DENND1A: variants seen among roughly 807,000 people sequenced by gnomAD.
The protein encoded by DENND1A is DENN domain-containing protein 1A.
In DENND1A, 51 loss-of-function variants were observed where a neutral mutation model predicts 113.7. The observed-to-expected ratio is 0.45, with a 90% CI of 0.36 to 0.57. The LOEUF is 0.57. Among genes scored for constraint, DENND1A ranks in the 20% least tolerant of loss-of-function variants. The probability of loss-of-function intolerance (pLI) is 0.00; values close to 1 mark genes in which losing one functional copy is unlikely to be tolerated. For missense variants in DENND1A, 1,258 were observed against 1,395.9 expected (o/e 0.90, Z 1.57); for synonymous variants, 565 against 570.8 (o/e 0.99, Z 0.14).
chr9:123,779,420 CA>C (rs941498528), intron 3 of DENND1A, among the ~76,000 whole-genome samples: 5 of 152,318 alleles, frequency 3.3e-5, no homozygotes, highest in Admixed American at 2.6e-4. Flanking sequence ...ATTAACAGCA[CA>C]AGGTAAATGA....
At chr9:123,388,688 A>G (rs1163519457) in intron 21 of DENND1A, among the ~76,000 whole-genome samples, 1 of 152,154 alleles carries the variant, frequency 6.6e-6, no homozygotes, top group Non-Finnish European at 1.5e-5. Context: ...ATAAACACCA[A>G]CACATACACA....
intron 2 of DENND1A, among the ~76,000 whole-genome samples, chr9:123,825,324 A>G (rs1028450504): frequency 2.0e-5 from 3 of 151,882 alleles, no homozygotes; most frequent in Non-Finnish European, 2.9e-5. Context: ...TTAAAAAAAA[A>G]AAAAGAAAGA....
chr9:123,410,814 T>A (rs2044246036), intron 20 of DENND1A, among the ~76,000 whole-genome samples: 1 of 152,138 alleles, frequency 6.6e-6, no homozygotes, highest in Admixed American at 6.5e-5. Context: ...CACAGAGTGG[T>A]GGCCACACTG....
At chr9:123,495,973 T>C (rs2051882021) in intron 13 of DENND1A, among the ~76,000 whole-genome samples, 1 of 152,224 alleles carries the variant, frequency 6.6e-6, no homozygotes, top group Non-Finnish European at 1.5e-5. Context: ...CCTGAATGCA[T>C]ATCTGTAATT....
chr9:123,387,714 A>AG lies in DENND1A; in HGVS notation c.1760+15dup, dbSNP rs532434328. ...ACCAAGCCGAGCTCAGGGAAATGGAAGAAGGAAGGAGAGACCATTCAAAGG... is the reference window on the plus strand; with the variant it reads ...ACCAAGCCGAGCTCAGGGAAATGGAAGGAAGGAAGGAGAGACCATTCAAAGG... On this transcript the variant is annotated intron_variant, in intron 22 of 23. Coordinates refer to ENST00000394215, the MANE Select transcript of DENND1A (RefSeq NM_001352964.2). 2.8e-3 allele frequency: 3,600 copies of AG among 1,289,064 alleles called. 6 individuals are homozygous for AG. The highest frequency in any genetic ancestry group is 3.4e-3 in the Non-Finnish European group (3,384 of 988,294). The allele number at this position is 1,289,064 out of a possible 1,614,324, so 79.9% of individuals were successfully genotyped here.
chr9:123,424,014 A>C (rs1425855610), intron 19 of DENND1A, among the ~76,000 whole-genome samples: 1 of 152,048 alleles, frequency 6.6e-6, no homozygotes, highest in Non-Finnish European at 1.5e-5. Flanking sequence ...AACATTCCAC[A>C]CCCTAGGCTG....
chr9:123,907,337 T>C (rs1277621995), intron 1 of DENND1A, among the ~76,000 whole-genome samples: 8 of 150,972 alleles, frequency 5.3e-5, no homozygotes, highest in Non-Finnish European at 7.4e-5. Context: ...CTATTCAACA[T>C]AGTGTTGGAA....
Position 123,677,319 on chromosome 9 carries a change from A to G in DENND1A, c.303-530T>C, listed in dbSNP as rs145944963. Among the ~76,000 whole-genome samples the G allele has an allele frequency of 6.7e-4, 102 of 152,112 alleles. 1 individual carries two copies. The East Asian group carries it at 0.019, about 28-fold the overall frequency. On this transcript the variant is annotated intron_variant, in intron 5 of 23. Transcript: ENST00000394215. ...CTCTATCTACTTCAAGATGAGTTCC[A>G]CTTCCCCATCCCCACTGCCCTCCAC...
intron 2 of DENND1A, among the ~76,000 whole-genome samples, chr9:123,851,181 T>C (rs1460927092): frequency 6.6e-6 from 1 of 152,232 alleles, no homozygotes; most frequent in Admixed American, 6.5e-5. Flanking sequence ...TCCCTCCTGC[T>C]GCACTCCCCA....
Position 123,389,397 on chromosome 9 carries a change from G to A in DENND1A, c.1632-1539C>T, listed in dbSNP as rs140445346. ...CTCCCAGGCTGCCTTGCTGGCTGTC[G>A]GGGCAAGACACAACTCAGCCCTTCC... On this transcript the variant is annotated intron_variant, in intron 21 of 23. Transcript: ENST00000394215. Among the ~76,000 whole-genome samples the A allele has an allele frequency of 7.9e-3, 1,202 of 152,340 alleles. 13 individuals are homozygous for A. The highest frequency in any genetic ancestry group is 0.023 in the South Asian group (110 of 4,830).
chr9:123,419,074 G>A (rs894034540), intron 19 of DENND1A, among the ~76,000 whole-genome samples: 1 of 152,268 alleles, frequency 6.6e-6, no homozygotes, highest in African/African-American at 2.4e-5. Flanking sequence ...AAGTTGGCAG[G>A]AGACAGGCCA....
chr9:123,668,324 T>C (rs1358928519), intron 7 of DENND1A, among the ~76,000 whole-genome samples: 1 of 152,200 alleles, frequency 6.6e-6, no homozygotes, highest in African/African-American at 2.4e-5. Flanking sequence ...CTTTCTGAAA[T>C]GAAAGGCCCT....
At chr9:123,518,552 C>A (rs913149261) in intron 13 of DENND1A, among the ~76,000 whole-genome samples, 1 of 152,158 alleles carries the variant, frequency 6.6e-6, no homozygotes, top group East Asian at 1.9e-4. Context: ...CCAGGGCAGG[C>A]CACTCCTCAG....
intron 1 of DENND1A, among the ~76,000 whole-genome samples, chr9:123,879,614 C>T (rs2133569153): frequency 6.6e-6 from 1 of 152,096 alleles, no homozygotes; most frequent in East Asian, 1.9e-4. Flanking sequence ...ATAGGCTAGC[C>T]ATTACTATGG....
intron 2 of DENND1A, among the ~76,000 whole-genome samples, chr9:123,862,569 C>G (rs1048837152): frequency 2.6e-5 from 4 of 152,156 alleles, no homozygotes; most frequent in Non-Finnish European, 5.9e-5. Context: ...AACACTAACA[C>G]AAGTTTACAC....
In DENND1A at chr9:123,632,047, C is replaced by T. The variant is rs2061497343; in HGVS notation, c.619-1571G>A. 4.6e-5 allele frequency among the ~76,000 whole-genome samples: 7 copies of T among 152,278 alleles called. No homozygotes were observed. In the South Asian group the frequency reaches 1.5e-3, roughly 32 times the overall value. On this transcript the variant is annotated intron_variant, in intron 9 of 23. Transcript: ENST00000394215. ...TAACTGGCCTTTGCTGACAGAAGAA[C>T]ATTTACGTGGCGAAAGAGTGACGTG...
At chr9:123,602,601 C>A (rs573215238) in intron 11 of DENND1A, among the ~76,000 whole-genome samples, 29 of 152,372 alleles carry the variant, frequency 1.9e-4, no homozygotes, top group African/African-American at 6.7e-4. Context: ...TCCTCCAACC[C>A]TTTCCCTTTC....
Position 123,477,382 on chromosome 9 carries a change from C to T in DENND1A, c.994-19485G>A, listed in dbSNP as rs1588721047. On this transcript the variant is annotated intron_variant, in intron 13 of 23. Transcript: ENST00000394215. ...CCTGGGCAACAGAGTGAGATCCCAT[C>T]TCTATAAATTTTTTTTTTTTTTTTA... Among the ~76,000 whole-genome samples, 5 of 151,238 alleles carry T rather than the reference C, an allele frequency of 3.3e-5. 1 individual carries two copies. The highest frequency in any genetic ancestry group is 3.3e-4 in the Admixed American group (5 of 15,254).
intron 9 of DENND1A, among the ~76,000 whole-genome samples, chr9:123,632,544 T>A (rs191996896): frequency 4.3e-4 from 66 of 152,106 alleles, no homozygotes; most frequent in African/African-American, 1.5e-3. Flanking sequence ...GGGTCTCAGC[T>A]CTTTCTGCTC....
Sources: allele counts gnomAD v4.1 joint callset (sites outside exome capture counted in the v4.1 genomes callset), GRCh38; gene constraint gnomAD v4.1.1; transcripts MANE v1.5; gene names NCBI Gene and HGNC (gene_info 2026-07-23, HGNC 2026-07-21).